The following CPAMD8 variants were observed in gnomAD, a reference collection of about 807,000 sequenced individuals.
CPAMD8 encodes the protein C3 and PZP-like alpha-2-macroglobulin domain-containing protein 8.
CPAMD8 carries 146 observed loss-of-function variants against 224.7 expected under a neutral mutation model. That is an observed-to-expected ratio of 0.65 (90% CI 0.57 to 0.75). The LOEUF (loss-of-function observed/expected upper bound fraction) is 0.75. Ranked by LOEUF, CPAMD8 falls within the 30% of genes least tolerant of loss-of-function variation. The probability of loss-of-function intolerance (pLI) is 0.00; values close to 1 mark genes in which losing one functional copy is unlikely to be tolerated. For synonymous variants in CPAMD8, 966 were observed against 1,044.6 expected, an observed-to-expected ratio of 0.92 and a Z score of 1.45; for missense variants, 2,301 against 2,537.5, an observed-to-expected ratio of 0.91 and a Z score of 2.00.
chr19:17,018,725 C>T (rs2056876100), intron 3 of CPAMD8, among the ~76,000 whole-genome samples: 1 of 140,354 alleles, frequency 7.1e-6, no homozygotes, highest in Admixed American at 7.1e-5. Context: ...AATACACACA[C>T]ACACACACAC....
chr19:16,985,342 C>CGGATGGAT lies in CPAMD8; in HGVS notation c.1395+4293_1395+4300dup, dbSNP rs145736282. Among the ~76,000 whole-genome samples the CGGATGGAT allele has an allele frequency of 2.8e-3, 404 of 142,882 alleles. 2 individuals are homozygous for CGGATGGAT. Among genetic ancestry groups the CGGATGGAT allele is most frequent in the Admixed American group, 5.1e-3 (72 of 14,246 alleles). 93.7% of individuals were successfully genotyped at this position (142,882 alleles called of 152,430 possible). A position where few individuals can be genotyped will look rare whatever the true frequency, so the allele number is the denominator to read the frequency against. ...GAAGGGTGGATGAATGGATGAAGGG[C>CGGATGGAT]GGATGGATGGATGGATGGATGGAGG... On this transcript the variant is annotated intron_variant, in intron 13 of 41. Coordinates refer to ENST00000443236, the MANE Select transcript of CPAMD8 (RefSeq NM_015692.5).
chr19:16,931,874 A>G (rs1277932402), intron 23 of CPAMD8, among the ~76,000 whole-genome samples: 3 of 152,222 alleles, frequency 2.0e-5, no homozygotes, highest in Non-Finnish European at 4.4e-5. Flanking sequence ...ACTACTATAC[A>G]CATTCAGAAT....
rs982133812 is a variant in CPAMD8 at position 16,904,535 on chromosome 19, T to A, written c.4045A>T (p.Ser1349Cys). 7 of 1,613,338 alleles carry A rather than the reference T, an allele frequency of 4.3e-6. No homozygotes were observed. The Admixed American group carries it at 1.2e-4, about 27-fold the overall frequency. ...AIMRDGVTHW[S>C]LSNSWDVDKG... is the part of the protein sequence containing the mutation. Reference sequence around the variant, plus strand: ...TCCACGTCCCAGGAATTTGACAGGCTCCAGTGGGTGACCCCATCTGCAAGG... The same window carrying A: ...TCCACGTCCCAGGAATTTGACAGGCACCAGTGGGTGACCCCATCTGCAAGG... Residue 1349 changes from serine (S) to cysteine (C), a missense_variant, in exon 31 of 42, where the codon AGC (serine) becomes TGC (cysteine). By Grantham distance (112) the Ser-to-Cys change is moderately radical. This residue lies in a region of CPAMD8 where 1,709 missense variants were observed against 1,753.2 expected (regional missense o/e 0.97). Transcript: ENST00000443236.
chr19:16,937,387 T>C (rs1370228240), intron 23 of CPAMD8, among the ~76,000 whole-genome samples: 1 of 152,156 alleles, frequency 6.6e-6, no homozygotes, highest in Admixed American at 6.6e-5. Context: ...TGTGTTTTTT[T>C]CTAAAAGCAC....
intron 29 of CPAMD8, 57 bp downstream of exon 29, chr19:16,914,367 T>C: frequency 1.4e-6 from 2 of 1,441,570 alleles, no homozygotes; most frequent in Non-Finnish European, 2.0e-6. Flanking sequence ...GAGGGAACCT[T>C]CCATTTGCTC....
intron 3 of CPAMD8, among the ~76,000 whole-genome samples, chr19:17,018,403 CA>C (rs760904213): frequency 3.3e-5 from 5 of 152,088 alleles, no homozygotes; most frequent in Non-Finnish European, 7.3e-5. Context: ...TAATGTACTG[CA>C]GGTGGTTCCA....
At chr19:16,958,121 T>C (rs1281889836) in intron 18 of CPAMD8, among the ~76,000 whole-genome samples, 1 of 152,310 alleles carries the variant, frequency 6.6e-6, no homozygotes, top group African/African-American at 2.4e-5. Flanking sequence ...ACATAACTTG[T>C]TTTTTTAAAA....
intron 18 of CPAMD8, among the ~76,000 whole-genome samples, chr19:16,961,318 G>C (rs1378597660): frequency 6.6e-6 from 1 of 152,250 alleles, no homozygotes; most frequent in East Asian, 1.9e-4. Context: ...CCCAAATACT[G>C]AGCTTTTCCC....
chr19:16,980,891 G>A (rs2055490243), intron 13 of CPAMD8, among the ~76,000 whole-genome samples: 1 of 152,014 alleles, frequency 6.6e-6, no homozygotes, highest in African/African-American at 2.4e-5. Flanking sequence ...GCTGGCATGC[G>A]ATGGTGAGAT....
intron 11 of CPAMD8, among the ~76,000 whole-genome samples, chr19:16,996,797 C>T (rs948945419): frequency 5.7e-5 from 7 of 123,820 alleles, no homozygotes; most frequent in Admixed American, 2.9e-4. Flanking sequence ...CCAGCCTGGG[C>T]GATGGAGTGT....
intron 22 of CPAMD8, among the ~76,000 whole-genome samples, chr19:16,939,768 C>T (rs536001130): frequency 1.3e-5 from 2 of 152,268 alleles, no homozygotes; most frequent in Non-Finnish European, 2.9e-5. Context: ...TGATCTTCTC[C>T]TGCTCCTGGT....
intron 15 of CPAMD8, 98 bp from the exon 16 acceptor site, chr19:16,976,249 G>C (rs1157110937): frequency 2.1e-6 from 2 of 949,254 alleles, no homozygotes; most frequent in Non-Finnish European, 3.1e-6. Flanking sequence ...GCCGAGGCGG[G>C]TGGATCACCT....
Position 16,899,401 on chromosome 19 carries a change from C to T in CPAMD8, c.4848+74G>A. Reference sequence around the variant, plus strand: ...ACAAGATACTTGCAGGGAGCCACACCAGGCAGTGACCGGTGCACCCTCACC... The same window carrying T: ...ACAAGATACTTGCAGGGAGCCACACTAGGCAGTGACCGGTGCACCCTCACC... On this transcript the variant is annotated intron_variant, in intron 37 of 41. Coordinates refer to ENST00000443236, the MANE Select transcript of CPAMD8 (RefSeq NM_015692.5). The surrounding 1 kb of genome is among the most constrained non-coding windows in gnomAD (Gnocchi z 5.4). 3 of 778,192 alleles carry T rather than the reference C, an allele frequency of 3.9e-6. No homozygotes were observed. The highest frequency in any genetic ancestry group is 4.9e-5 in the East Asian group (2 of 40,782). 48.2% of individuals were successfully genotyped at this position (778,192 alleles called of 1,614,324 possible).
At chr19:17,024,041 C>T (rs1410770905) in intron 1 of CPAMD8, among the ~76,000 whole-genome samples, 1 of 152,188 alleles carries the variant, frequency 6.6e-6, no homozygotes, top group Non-Finnish European at 1.5e-5. Flanking sequence ...AGGAGAAAGT[C>T]ATTGCATGCT....
At chr19:16,937,946 G>A (rs187308851) in intron 23 of CPAMD8, among the ~76,000 whole-genome samples, 12 of 152,114 alleles carry the variant, frequency 7.9e-5, no homozygotes, top group East Asian at 3.9e-4. Flanking sequence ...AGCCTACCGC[G>A]CCCGGCCAAC....
Position 17,008,557 on chromosome 19 carries a change from G to T in CPAMD8, c.507C>A (p.Asp169Glu), listed in dbSNP as rs774572693. ...VNEKLEAYILDPRGSRMIEWR... is the reference protein window; with the variant it reads ...VNEKLEAYILEPRGSRMIEWR... ...ACTCTATCATCCGAGAGCCTCGGGG[G>T]TCCTGTTGGTGGTGGAGGGGGACAG... Residue 169 changes from aspartate (D) to glutamate (E), a missense_variant and splice_region_variant, in exon 7 of 42, where the codon GAC becomes GAA. Asp to Glu is a conservative substitution (Grantham distance 45). Transcript: ENST00000443236. The T allele has an allele frequency of 6.2e-7, 1 of 1,614,080 alleles. No homozygotes were observed. Among genetic ancestry groups the T allele is most frequent in the Non-Finnish European group, 8.5e-7 (1 of 1,180,034 alleles).
At chr19:16,997,384 G>T in intron 10 of CPAMD8, 46 bp from the exon 11 acceptor site, 1 of 1,119,148 alleles carries the variant, frequency 8.9e-7, no homozygotes, top group Non-Finnish European at 1.3e-6. Flanking sequence ...GGGTTGGAGT[G>T]TCTTTGAGGG....
rs368044617 is a variant in CPAMD8, at chr19:16,938,016, A to T, written c.2845+379T>A. Among the ~76,000 whole-genome samples, 15 of 152,196 alleles carry T rather than the reference A, an allele frequency of 9.9e-5. No homozygotes were observed. In the East Asian group the frequency reaches 2.9e-3, roughly 29 times the overall value. ...TGGCCAGGCTGGTCTCAAACTCCTG[A>T]CTTCAAATGATCCACCTTCCTCAGG... On this transcript the variant is annotated intron_variant, in intron 23 of 41. Transcript: ENST00000443236.
chr19:16,932,027 A>C (rs576456054), intron 23 of CPAMD8, among the ~76,000 whole-genome samples: 1 of 152,218 alleles, frequency 6.6e-6, no homozygotes, highest in Non-Finnish European at 1.5e-5. Context: ...AGAACACAAG[A>C]AACGTGAAAA....
Sources: gnomAD v4.1 joint callset for allele counts (sites outside exome capture counted in the v4.1 genomes callset) on GRCh38, gnomAD v4.1.1 for gene constraint, gnomAD v4.1.1 regional missense constraint, Gnocchi (gnomAD v3.1) non-coding constraint, MANE v1.5 for transcripts, NCBI Gene and HGNC (gene_info 2026-07-23, HGNC 2026-07-21) for gene names.